The following RIGI variants were observed in gnomAD, a reference collection of about 807,000 sequenced individuals.
The protein encoded by RIGI is RNA sensor RIG-I.
the RIGI span, among the ~76,000 whole-genome samples, chr9:32,516,015 A>G: frequency 1.3e-5 from 2 of 152,218 alleles, no homozygotes; most frequent in Admixed American, 6.5e-5. Flanking sequence ...ACAGTCCCAC[A>G]GACATTTATT....
At chr9:32,486,823 C>T in the RIGI span, among the ~76,000 whole-genome samples, 2 of 152,108 alleles carry the variant, frequency 1.3e-5, no homozygotes, top group African/African-American at 4.8e-5. Flanking sequence ...GGATCAGGTA[C>T]ATCAAAATCC....
At chr9:32,467,717 G>C in the RIGI span, 1 of 1,510,262 alleles carries the variant, frequency 6.6e-7, no homozygotes, top group East Asian at 2.3e-5. Context: ...TTATAAATCA[G>C]TCAAAACAGA....
chr9:32,524,304 T>C, the RIGI span, among the ~76,000 whole-genome samples: 14 of 152,304 alleles, frequency 9.2e-5, no homozygotes, highest in South Asian at 2.7e-3. Flanking sequence ...TGACACGAGT[T>C]GCTTATTTTA....
the RIGI span, chr9:32,457,253 C>A: frequency 6.2e-7 from 1 of 1,614,170 alleles, no homozygotes; most frequent in Non-Finnish European, 8.5e-7. Flanking sequence ...ACTGGAATCT[C>A]AAATGTCTTG....
At chr9:32,475,182 C>T in the RIGI span, among the ~76,000 whole-genome samples, 1 of 152,088 alleles carries the variant, frequency 6.6e-6, no homozygotes, top group African/African-American at 2.4e-5. Flanking sequence ...AAACTCCTGA[C>T]TTCAAGTGAT....
At chr9:32,477,048 CTT>C in the RIGI span, 1 of 1,614,068 alleles carries the variant, frequency 6.2e-7, no homozygotes, top group Non-Finnish European at 8.5e-7. Flanking sequence ...TGGTACTCTT[CTT>C]GTAAGATGAA....
the RIGI span, among the ~76,000 whole-genome samples, chr9:32,469,652 C>A: frequency 6.6e-6 from 1 of 152,168 alleles, no homozygotes; most frequent in Non-Finnish European, 1.5e-5. Context: ...AAGAAAGGAT[C>A]TTGACTAAGA....
At chr9:32,479,483 T>C in the RIGI span, among the ~76,000 whole-genome samples, 7 of 152,194 alleles carry the variant, frequency 4.6e-5, no homozygotes, top group African/African-American at 1.7e-4. Flanking sequence ...GTTTAATATC[T>C]ATTTTTTAAT....
chr9:32,497,394 A>G, the RIGI span, among the ~76,000 whole-genome samples: 8 of 152,172 alleles, frequency 5.3e-5, no homozygotes, highest in Non-Finnish European at 7.3e-5. Flanking sequence ...TGTGTCCTGA[A>G]ACTTTTCTGA....
At chr9:32,508,936 G>C in the RIGI span, among the ~76,000 whole-genome samples, 1 of 152,162 alleles carries the variant, frequency 6.6e-6, no homozygotes, top group Non-Finnish European at 1.5e-5. Context: ...CACAATTACT[G>C]AGGCTTGAGT....
chr9:32,476,791 ATTTTTCT>A, the RIGI span, among the ~76,000 whole-genome samples: 2 of 152,000 alleles, frequency 1.3e-5, no homozygotes, highest in African/African-American at 4.8e-5. Context: ...GCACCAGCTA[ATTTTTCT>A]TTTTTAAGAG....
the RIGI span, chr9:32,493,849 G>A: frequency 6.2e-7 from 1 of 1,609,212 alleles, no homozygotes; most frequent in Non-Finnish European, 8.5e-7. Flanking sequence ...TTTAAATTCT[G>A]GTTGTAAACG....
At chr9:32,511,873 G>C in the RIGI span, among the ~76,000 whole-genome samples, 1 of 152,014 alleles carries the variant, frequency 6.6e-6, no homozygotes, top group Non-Finnish European at 1.5e-5. Context: ...GACTCAAATA[G>C]ATACAATAAA....
chr9:32,466,167 T>A, the RIGI span: 1 of 941,888 alleles, frequency 1.1e-6, no homozygotes, highest in Non-Finnish European at 1.6e-6. Flanking sequence ...TAATATTCAC[T>A]AAGTATAAAC....
chr9:32,501,561 T>C, the RIGI span, among the ~76,000 whole-genome samples: 5 of 152,104 alleles, frequency 3.3e-5, no homozygotes, highest in African/African-American at 1.2e-4. Context: ...ATGGTCCTTT[T>C]GGGAGAAAAT....
the RIGI span, among the ~76,000 whole-genome samples, chr9:32,479,339 T>G: frequency 6.6e-6 from 1 of 152,328 alleles, no homozygotes; most frequent in East Asian, 1.9e-4. Context: ...TGTTAAATAT[T>G]AACCAGCACA....
At chr9:32,460,485 GAAA>G in the RIGI span, among the ~76,000 whole-genome samples, 1 of 148,948 alleles carries the variant, frequency 6.7e-6, no homozygotes, top group Non-Finnish European at 1.5e-5. Context: ...CAAACTGAAT[GAAA>G]AAAAAAGACA....
the RIGI span, among the ~76,000 whole-genome samples, chr9:32,490,587 T>G: frequency 6.6e-6 from 1 of 152,214 alleles, no homozygotes; most frequent in South Asian, 2.1e-4. Context: ...TATTCTAATA[T>G]CATTTTTCTT....
chr9:32,521,303 T>C, the RIGI span, among the ~76,000 whole-genome samples: 652 of 152,234 alleles, frequency 4.3e-3, 6 homozygotes, highest in African/African-American at 0.015. Flanking sequence ...TTGTATAATA[T>C]TGACATAAAA....
Sources: gnomAD v4.1 joint callset for allele counts (sites outside exome capture counted in the v4.1 genomes callset) on GRCh38, gnomAD v4.1.1 for gene constraint, MANE v1.5 for transcripts, NCBI Gene and HGNC (gene_info 2026-07-23, HGNC 2026-07-21) for gene names.